RNF111: variants seen among roughly 807,000 people sequenced by gnomAD.
The protein encoded by RNF111 is E3 ubiquitin-protein ligase Arkadia.
In RNF111, 17 loss-of-function variants were observed where a neutral mutation model predicts 95.1. That is an observed-to-expected ratio of 0.18 (90% CI 0.12 to 0.27). The LOEUF (loss-of-function observed/expected upper bound fraction) is 0.27. Among genes scored for constraint, RNF111 ranks in the 10% least tolerant of loss-of-function variants. The probability of loss-of-function intolerance (pLI) is 1.00; values close to 1 mark genes in which losing one functional copy is unlikely to be tolerated. For missense variants in RNF111, 1,189 were observed against 1,210.4 expected (o/e 0.98, Z 0.26); for synonymous variants, 440 against 414.8 (o/e 1.06, Z -0.74).
At chr15:59,091,856 G>C (rs1279467134) in intron 12 of RNF111, among the ~76,000 whole-genome samples, 1 of 152,162 alleles carries the variant, frequency 6.6e-6, no homozygotes, top group African/African-American at 2.4e-5. Context: ...TAAGGAGCAT[G>C]CAACCTAGAT....
At chr15:59,045,532 G>A (rs2041668543) in intron 2 of RNF111, among the ~76,000 whole-genome samples, 1 of 152,162 alleles carries the variant, frequency 6.6e-6, no homozygotes, top group South Asian at 2.1e-4. Context: ...AAGAAATTTT[G>A]TATACAGATA....
In RNF111 at chr15:59,012,003, CTTTTTTTTTT is replaced by C. The variant is rs71425836; in HGVS notation, c.-19-18781_-19-18772del. Among the ~76,000 whole-genome samples the C allele has an allele frequency of 1.1e-3, 44 of 40,446 alleles. 1 individual carries two copies. The East Asian group carries it at 0.011, about 10-fold the overall frequency. 26.5% of individuals were successfully genotyped at this position (40,446 alleles called of 152,430 possible). A position where few individuals can be genotyped will look rare whatever the true frequency, so the allele number is the denominator to read the frequency against. On this transcript the variant is annotated intron_variant, in intron 1 of 13. Coordinates refer to ENST00000348370, the MANE Select transcript of RNF111 (RefSeq NM_017610.8). The stretch of plus-strand genomic sequence containing the variant: ...TTAGTGTTCTTTTTTGTTTGTTTGC[CTTTTTTTTTT>C]TTTTTTTTTTTTTTTTTTTGAGATG...
At chr15:58,990,457 T>C (rs1191065844) in intron 1 of RNF111, among the ~76,000 whole-genome samples, 1 of 152,108 alleles carries the variant, frequency 6.6e-6, no homozygotes, top group Non-Finnish European at 1.5e-5. Context: ...GTGACCAGTC[T>C]GGCCAAAATG....
At position 59,031,552 on chromosome 15, in the gene RNF111, C is replaced by A; in HGVS notation, c.730C>A (p.Arg244=). 1 of 1,614,096 alleles carries A rather than the reference C, an allele frequency of 6.2e-7. No individual in the cohort carries two copies. The highest frequency in any genetic ancestry group is 1.1e-5 in the South Asian group (1 of 91,066). ...MQRKKREVLA[R]RKYALLPSSS... ...GAGGAAGAAACGAGAAGTGTTAGCT[C>A]GAAGAAAATATGCCTTGCTACCTAG... The change falls in exon 2 of 14, where the codon CGA becomes AGA. Residue 244 remains arginine (R), a synonymous_variant. Transcript: ENST00000348370.
intron 1 of RNF111, among the ~76,000 whole-genome samples, chr15:58,988,685 GTAGA>G (rs1176822315): frequency 2.6e-5 from 4 of 152,244 alleles, no homozygotes; most frequent in Non-Finnish European, 4.4e-5. Flanking sequence ...ATAGGTTATA[GTAGA>G]TAGATCTTTA....
chr15:59,030,894 T>G lies in RNF111; in HGVS notation c.72T>G (p.Ser24=), dbSNP rs1195802738. 1.2e-6 allele frequency: 2 copies of G among 1,614,116 alleles called. No individual in the cohort carries two copies. The highest frequency in any genetic ancestry group is 2.7e-5 in the African/African-American group (2 of 74,952). ...LKVDMKSEIP[S]DAPKTQESLK... ...TGGATATGAAGAGTGAGATTCCTTC[T>G]GATGCACCAAAGACACAGGAGAGTC... is the stretch of plus-strand genomic sequence containing the variant. The change falls in exon 2 of 14, where the codon TCT becomes TCG. Residue 24 remains serine, a synonymous_variant. Transcript: ENST00000348370.
At chr15:59,013,255 T>A (rs1240417070) in intron 1 of RNF111, among the ~76,000 whole-genome samples, 1 of 152,222 alleles carries the variant, frequency 6.6e-6, no homozygotes, top group East Asian at 1.9e-4. Flanking sequence ...TTCCCATATA[T>A]CGCTCACTCA....
chr15:59,053,930 A>G lies in RNF111; in HGVS notation c.1007+1499A>G, dbSNP rs527459621. Among the ~76,000 whole-genome samples the G allele has an allele frequency of 1.1e-3, 165 of 151,832 alleles. 1 individual carries two copies. The highest frequency in any genetic ancestry group is 3.9e-3 in the African/African-American group (162 of 41,416). ...TAGCTGGCTTTTTGCCCTTTAGTTT[A>G]TTTTACTTAATTATTTATTTTTTGA... On this transcript the variant is annotated intron_variant, in intron 3 of 13. Coordinates refer to ENST00000348370, the MANE Select transcript of RNF111 (RefSeq NM_017610.8).
intron 6 of RNF111, among the ~76,000 whole-genome samples, chr15:59,073,352 G>A (rs1433535113): frequency 1.3e-5 from 2 of 151,918 alleles, no homozygotes; most frequent in East Asian, 3.9e-4. Flanking sequence ...GTGGTGGCAT[G>A]CACCTGTAAT....
chr15:59,085,373 T>TA (rs1324853709), intron 9 of RNF111: 4 of 188,746 alleles, frequency 2.1e-5, no homozygotes, highest in Non-Finnish European at 4.4e-5. Flanking sequence ...ATCAGACTTT[T>TA]ATCTTGGAAG....
chr15:58,995,078 C>G (rs894747059), intron 1 of RNF111, among the ~76,000 whole-genome samples: 1 of 152,092 alleles, frequency 6.6e-6, no homozygotes, highest in East Asian at 1.9e-4. Context: ...AACAGTGCAC[C>G]TAATAAGCAA....
At chr15:58,992,747 G>T (rs887372719) in intron 1 of RNF111, among the ~76,000 whole-genome samples, 22 of 152,156 alleles carry the variant, frequency 1.4e-4, no homozygotes, top group Non-Finnish European at 2.1e-4. Context: ...TTGAGCCCGG[G>T]AGGCAGAGGT....
chr15:59,079,655 C>CTT (rs36057944), intron 7 of RNF111, among the ~76,000 whole-genome samples: 64 of 145,834 alleles, frequency 4.4e-4, no homozygotes, highest in African/African-American at 1.6e-3. Flanking sequence ...CTAAGACAAA[C>CTT]TTTTTTTTTT....
chr15:59,033,905 G>A (rs2041039645), intron 2 of RNF111, among the ~76,000 whole-genome samples: 1 of 151,848 alleles, frequency 6.6e-6, no homozygotes, highest in South Asian at 2.1e-4. Context: ...ATGTTTTCTG[G>A]TTTCTGGACA....
At chr15:59,093,466 C>T (rs151137765) in intron 13 of RNF111, 5 of 433,554 alleles carry the variant, frequency 1.2e-5, no homozygotes, top group South Asian at 6.6e-5. Flanking sequence ...CTACCTCAGC[C>T]TCCCAAAATG....
intron 2 of RNF111, among the ~76,000 whole-genome samples, chr15:59,038,446 G>T (rs940443478): frequency 7.2e-5 from 11 of 152,112 alleles, no homozygotes; most frequent in Admixed American, 5.2e-4. Flanking sequence ...CTAATGCTGT[G>T]AATACTTCTG....
In RNF111 at chr15:59,085,654, G is replaced by T. The variant is rs201271056; in HGVS notation, c.2424-5G>T. 4 of 1,612,230 alleles carry T rather than the reference G, an allele frequency of 2.5e-6. No homozygotes were observed. Among genetic ancestry groups the T allele is most frequent in the Non-Finnish European group, 3.4e-6 (4 of 1,179,082 alleles). On this transcript the variant is annotated splice_polypyrimidine_tract_variant and splice_region_variant and intron_variant, in intron 9 of 13. Coordinates refer to ENST00000348370, the MANE Select transcript of RNF111 (RefSeq NM_017610.8). ...AGGATTAAACTGTTCTCATCCTTTC[G>T]TTAGGGAACTGGGAATTGAAGCTGG...
intron 1 of RNF111, among the ~76,000 whole-genome samples, chr15:59,025,391 G>A (rs1228079349): frequency 6.6e-6 from 1 of 152,082 alleles, no homozygotes; most frequent in Non-Finnish European, 1.5e-5. Context: ...ATACTTTTGA[G>A]GGAAAATACC....
At chr15:58,999,511 T>C (rs917891542) in intron 1 of RNF111, among the ~76,000 whole-genome samples, 6 of 152,064 alleles carry the variant, frequency 3.9e-5, no homozygotes, top group Non-Finnish European at 7.4e-5. Flanking sequence ...AATTTTTGTA[T>C]TTTTAGTAGA....
Sources: gnomAD v4.1 joint callset for allele counts (sites outside exome capture counted in the v4.1 genomes callset) on GRCh38, gnomAD v4.1.1 for gene constraint, MANE v1.5 for transcripts, NCBI Gene and HGNC (gene_info 2026-07-23, HGNC 2026-07-21) for gene names.